GALNT13: variants seen among roughly 807,000 people sequenced by gnomAD.
The protein encoded by GALNT13 is polypeptide N-acetylgalactosaminyltransferase 13.
A neutral mutation model predicts 64.2 loss-of-function variants in GALNT13; 28 were observed. That is an observed-to-expected ratio of 0.44 (90% CI 0.32 to 0.60). The LOEUF is 0.60. GALNT13 is among the 20% of genes least tolerant of loss of function. The pLI, the probability that GALNT13 is intolerant of heterozygous loss-of-function variation, is 0.05. For missense variants in GALNT13, 577 were observed against 669.8 expected (o/e 0.86, Z 1.53); for synonymous variants, 214 against 224.6 (o/e 0.95, Z 0.42).
At chr2:154,090,101 A>G (rs1264738775) in intron 3 of GALNT13, among the ~76,000 whole-genome samples, 1 of 152,146 alleles carries the variant, frequency 6.6e-6, no homozygotes, top group African/African-American at 2.4e-5. Flanking sequence ...ATACAAAATG[A>G]TGTGAGTACA....
chr2:154,020,207 A>G (rs1016416783), intron 3 of GALNT13, among the ~76,000 whole-genome samples: 3 of 152,262 alleles, frequency 2.0e-5, no homozygotes, highest in East Asian at 1.9e-4. Context: ...TCCTTTGGGT[A>G]TATACCCAGT....
intron 9 of GALNT13, among the ~76,000 whole-genome samples, chr2:154,339,219 A>C (rs2105218173): frequency 6.6e-6 from 1 of 152,242 alleles, no homozygotes; most frequent in African/African-American, 2.4e-5. Context: ...TTTCAAAACC[A>C]AGAGTAACTA....
chr2:153,118,195 T>C, the GALNT13 span, among the ~76,000 whole-genome samples: 16,123 of 149,934 alleles, frequency 0.11, 955 homozygotes, highest in African/African-American at 0.13. Flanking sequence ...GAAAAGTCAA[T>C]AGTCTTTACC....
chr2:153,201,041 G>A, the GALNT13 span, among the ~76,000 whole-genome samples: 1 of 152,172 alleles, frequency 6.6e-6, no homozygotes, highest in African/African-American at 2.4e-5. Context: ...CTCTTAGAGA[G>A]TGAACAGTTC....
the GALNT13 span, among the ~76,000 whole-genome samples, chr2:153,828,964 C>CT: frequency 2.0e-5 from 3 of 152,150 alleles, no homozygotes; most frequent in Non-Finnish European, 4.4e-5. Context: ...TGCCAAAATG[C>CT]CACCAGTCTC....
chr2:154,378,667 C>T (rs553144115), intron 9 of GALNT13, among the ~76,000 whole-genome samples: 64 of 152,148 alleles, frequency 4.2e-4, no homozygotes, highest in African/African-American at 1.4e-3. Context: ...CCTCCCCTCC[C>T]GATTCTCTGG....
At chr2:154,414,757 T>C (rs1193304841) in intron 11 of GALNT13, among the ~76,000 whole-genome samples, 1 of 151,986 alleles carries the variant, frequency 6.6e-6, no homozygotes, top group Non-Finnish European at 1.5e-5. Context: ...GGTCATGCAT[T>C]TTGCAAACAT....
At chr2:154,019,148 G>T (rs556683202) in intron 3 of GALNT13, among the ~76,000 whole-genome samples, 9 of 152,032 alleles carry the variant, frequency 5.9e-5, no homozygotes, top group African/African-American at 1.9e-4. Flanking sequence ...GTTTCCTTGA[G>T]TTCCACCCAT....
intron 3 of GALNT13, among the ~76,000 whole-genome samples, chr2:154,073,313 A>G (rs1354611727): frequency 1.3e-5 from 2 of 152,034 alleles, no homozygotes; most frequent in Non-Finnish European, 2.9e-5. Context: ...TTTAACTGAA[A>G]GAGAATCTAT....
chr2:154,298,588 TTATA>T lies in GALNT13; in HGVS notation c.976-2816_976-2813del, dbSNP rs1269528584. ...TTTATATATAAATTGTATATATAAT[TTATA>T]TATACAATGTATATATTAATTTATA... On this transcript the variant is annotated intron_variant, in intron 8 of 12. Transcript: ENST00000392825. Among the ~76,000 whole-genome samples, 3 of 16,330 alleles carry T rather than the reference TTATA, an allele frequency of 1.8e-4. 1 individual carries two copies. The highest frequency in any genetic ancestry group is 2.5e-4 in the Non-Finnish European group (2 of 8,016). The allele number at this position is 16,330 out of a possible 152,430, so 10.7% of individuals were successfully genotyped here.
intron 1 of GALNT13, among the ~76,000 whole-genome samples, chr2:153,874,239 G>T (rs1474994619): frequency 6.6e-6 from 1 of 151,428 alleles, no homozygotes; most frequent in Non-Finnish European, 1.5e-5. Context: ...ACATTAAAAA[G>T]ATGCATTTCT....
intron 4 of GALNT13, among the ~76,000 whole-genome samples, chr2:154,156,473 A>G (rs760810400): frequency 6.6e-6 from 1 of 152,144 alleles, no homozygotes; most frequent in South Asian, 2.1e-4. Flanking sequence ...CTAAATATCA[A>G]TATTTATTGA....
At chr2:153,318,706 C>T in the GALNT13 span, among the ~76,000 whole-genome samples, 119 of 152,252 alleles carry the variant, frequency 7.8e-4, no homozygotes, top group Non-Finnish European at 1.2e-3. Context: ...CTTGAGGCTA[C>T]ATTGAATTGG....
chr2:153,418,882 A>T, the GALNT13 span, among the ~76,000 whole-genome samples: 44 of 152,146 alleles, frequency 2.9e-4, no homozygotes, highest in African/African-American at 1.0e-3. Context: ...TAAATAAGGT[A>T]AAATAAGGGA....
At position 154,015,011 on chromosome 2, in the gene GALNT13, T is replaced by C. The variant is rs183269660; in HGVS notation, c.142+70372T>C. On this transcript the variant is annotated intron_variant, in intron 3 of 12. Transcript: ENST00000392825. ...CAATTTCCCTTATTGACATATACAT[T>C]GAATAGAAAAATAAAACAAAACATG... is the stretch of plus-strand genomic sequence containing the variant. Among the ~76,000 whole-genome samples, 1,164 of 152,186 alleles carry C rather than the reference T, an allele frequency of 7.6e-3. 11 individuals carry two copies. The highest frequency in any genetic ancestry group is 9.0e-3 in the Non-Finnish European group (614 of 68,008).
the GALNT13 span, among the ~76,000 whole-genome samples, chr2:153,576,792 C>T: frequency 6.6e-6 from 1 of 151,874 alleles, no homozygotes; most frequent in East Asian, 1.9e-4. Context: ...GCGGGGGTTA[C>T]AATTAATGGA....
At chr2:153,317,498 AT>A in the GALNT13 span, among the ~76,000 whole-genome samples, 15 of 152,130 alleles carry the variant, frequency 9.9e-5, no homozygotes, top group Non-Finnish European at 2.1e-4. Flanking sequence ...GTGGTTTCTG[AT>A]TCTTTTAAAT....
At chr2:153,580,258 T>C in the GALNT13 span, among the ~76,000 whole-genome samples, 1 of 152,280 alleles carries the variant, frequency 6.6e-6, no homozygotes, top group African/African-American at 2.4e-5. Flanking sequence ...GCAGGTTACT[T>C]TATTCTGTAG....
At chr2:153,152,212 T>A in the GALNT13 span, among the ~76,000 whole-genome samples, 44 of 152,068 alleles carry the variant, frequency 2.9e-4, no homozygotes, top group African/African-American at 1.0e-3. Flanking sequence ...TGGACCATTA[T>A]CCTCTTGATT....
Sources: allele counts gnomAD v4.1 joint callset (sites outside exome capture counted in the v4.1 genomes callset), GRCh38; gene constraint gnomAD v4.1.1; transcripts MANE v1.5; gene names NCBI Gene and HGNC (gene_info 2026-07-23, HGNC 2026-07-21).